Variants in ORC4 observed in about 807,000 individuals in gnomAD.
ORC4 encodes the protein origin recognition complex, subunit 4 homolog.
A neutral mutation model predicts 63.9 loss-of-function variants in ORC4; 55 were observed. The observed-to-expected ratio is 0.86, with a 90% CI of 0.69 to 1.08. The LOEUF is 1.08. Among genes scored for constraint, ORC4 ranks in the 50% least tolerant of loss-of-function variants. The pLI is 0.00. For synonymous variants in ORC4, 150 were observed against 168.5 expected, an observed-to-expected ratio of 0.89 and a Z score of 0.85; for missense variants, 511 against 504.4, an observed-to-expected ratio of 1.01 and a Z score of -0.13.
At chr2:147,948,348 C>A in intron 8 of ORC4, 124 bp from the exon 9 acceptor site, 1 of 617,658 alleles carries the variant, frequency 1.6e-6, no homozygotes. Flanking sequence ...GTCTACAATA[C>A]ATAATTAAAC....
At chr2:147,941,596 G>C (rs759550138) in intron 10 of ORC4, among the ~76,000 whole-genome samples, 16 of 151,844 alleles carry the variant, frequency 1.1e-4, no homozygotes, top group Non-Finnish European at 2.2e-4. Context: ...ACAAATAATG[G>C]GATGAGCTAA....
Position 147,935,610 on chromosome 2 carries a change from A to G in ORC4, c.1211T>C (p.Leu404Pro), listed in dbSNP as rs757008216. 1 of 1,613,476 alleles carries G rather than the reference A, an allele frequency of 6.2e-7. No homozygotes were observed. Among genetic ancestry groups the G allele is most frequent in the South Asian group, 1.1e-5 (1 of 91,070 alleles). Reference sequence around the variant, plus strand: ...CATAATTTGAGTATTATCCAAAAGCAGTTTCATCAGCTGGTACTCTCTCTG... The same window carrying G: ...CATAATTTGAGTATTATCCAAAAGCGGTTTCATCAGCTGGTACTCTCTCTG... ...NSQREYQLMKLLLDNTQIMNA... is the reference protein window; with the variant it reads ...NSQREYQLMKPLLDNTQIMNA... The change falls in exon 14 of 14, where the codon CTG (leucine) becomes CCG (proline). Residue 404 changes from leucine to proline, a missense_variant. Transcript: ENST00000392857.
intron 8 of ORC4, among the ~76,000 whole-genome samples, chr2:147,952,003 ATT>A (rs1688982450): frequency 1.3e-5 from 2 of 152,218 alleles, no homozygotes; most frequent in Non-Finnish European, 2.9e-5. Context: ...CTTAGAGTTG[ATT>A]TCAAGCCTTT....
At chr2:147,984,047 T>C (rs146290015) in intron 1 of ORC4, among the ~76,000 whole-genome samples, 2 of 152,338 alleles carry the variant, frequency 1.3e-5, no homozygotes, top group Non-Finnish European at 2.9e-5. Context: ...GACCCTTCTA[T>C]GATACAGGTA....
At chr2:148,015,563 C>T (rs1693229343) in intron 1 of ORC4, among the ~76,000 whole-genome samples, 1 of 151,988 alleles carries the variant, frequency 6.6e-6, no homozygotes, top group Non-Finnish European at 1.5e-5. Flanking sequence ...ATCCGCCCAC[C>T]TCAGCCTCCC....
chr2:147,958,158 C>A, intron 6 of ORC4, 140 bp downstream of exon 6: 2 of 614,512 alleles, frequency 3.3e-6, no homozygotes, highest in South Asian at 2.2e-5. Flanking sequence ...ATACATTACA[C>A]ATTTTTATGA....
chr2:147,978,570 T>C lies in ORC4; in HGVS notation c.-17-2595A>G, dbSNP rs147499263. On this transcript the variant is annotated intron_variant, in intron 1 of 13. Coordinates refer to ENST00000392857, the MANE Select transcript of ORC4 (RefSeq NM_181741.4). ...ATCTCAGACCATAGCCAAGTTAAAG[T>C]GTCTTATCAGGGTCCGCAGTTGGGA... 1.1e-4 allele frequency among the ~76,000 whole-genome samples: 16 copies of C among 152,302 alleles called. No individual in the cohort carries two copies. In the East Asian group the frequency reaches 3.1e-3, roughly 29 times the overall value.
chr2:147,985,039 T>A (rs72855228), intron 1 of ORC4, among the ~76,000 whole-genome samples: 1 of 152,220 alleles, frequency 6.6e-6, no homozygotes, highest in East Asian at 1.9e-4. Context: ...TGAGGTTTCA[T>A]GAGTACTTAT....
chr2:148,007,650 T>C (rs1265303820), intron 1 of ORC4, among the ~76,000 whole-genome samples: 1 of 152,194 alleles, frequency 6.6e-6, no homozygotes, highest in African/African-American at 2.4e-5. Flanking sequence ...AGGTAGAAAG[T>C]GTTTTCAAAG....
At chr2:147,989,368 G>C (rs1288369248) in intron 1 of ORC4, among the ~76,000 whole-genome samples, 2 of 152,036 alleles carry the variant, frequency 1.3e-5, no homozygotes, top group African/African-American at 4.8e-5. Context: ...ACTGTTCTGA[G>C]CATTTTTTGT....
intron 1 of ORC4, among the ~76,000 whole-genome samples, chr2:147,977,597 G>GT (rs1236736342): frequency 1.3e-5 from 2 of 152,180 alleles, no homozygotes; most frequent in Non-Finnish European, 2.9e-5. Flanking sequence ...CTTCATTCAC[G>GT]TGACAGATTC....
intron 5 of ORC4, 171 bp from the exon 6 acceptor site, chr2:147,958,554 T>C (rs1293816371): frequency 1.6e-6 from 1 of 610,484 alleles, no homozygotes; most frequent in East Asian, 2.8e-5. Flanking sequence ...ACAATCCTCC[T>C]TGGGATTAGA....
At chr2:147,989,637 G>A (rs1019557720) in intron 1 of ORC4, among the ~76,000 whole-genome samples, 1 of 152,202 alleles carries the variant, frequency 6.6e-6, no homozygotes, top group African/African-American at 2.4e-5. Context: ...AACCCAGGAG[G>A]CGGAGGTTGC....
chr2:147,954,713 G>A (rs2105304852), intron 7 of ORC4, among the ~76,000 whole-genome samples: 1 of 152,184 alleles, frequency 6.6e-6, no homozygotes, highest in African/African-American at 2.4e-5. Context: ...CCAGAATTAT[G>A]CAAATTAAAG....
chr2:147,952,704 G>A (rs1689027546), intron 7 of ORC4, among the ~76,000 whole-genome samples, 180 bp from the exon 8 acceptor site: 2 of 152,150 alleles, frequency 1.3e-5, no homozygotes, highest in Admixed American at 6.5e-5. Context: ...ATTATTCAAA[G>A]GACAAACACA....
intron 4 of ORC4, among the ~76,000 whole-genome samples, chr2:147,968,592 C>A (rs1412173131): frequency 4.6e-5 from 7 of 152,008 alleles, no homozygotes. Context: ...GAGGTATCAT[C>A]TCACTCCAGT....
At chr2:148,005,405 G>A (rs1271926560) in intron 1 of ORC4, among the ~76,000 whole-genome samples, 1 of 151,918 alleles carries the variant, frequency 6.6e-6, no homozygotes, top group Non-Finnish European at 1.5e-5. Context: ...CCTGCTGGGG[G>A]ATGGGGGGGC....
At chr2:147,949,495 A>T (rs1223704809) in intron 8 of ORC4, among the ~76,000 whole-genome samples, 3 of 152,120 alleles carry the variant, frequency 2.0e-5, no homozygotes, top group East Asian at 1.9e-4. Context: ...TAAATGCACA[A>T]CTCTATGAAT....
At chr2:148,001,516 A>T (rs571352386) in intron 1 of ORC4, among the ~76,000 whole-genome samples, 1 of 152,204 alleles carries the variant, frequency 6.6e-6, no homozygotes, top group Non-Finnish European at 1.5e-5. Context: ...ACTAAGCTTC[A>T]TAAGTGAAGG....
Sources: gnomAD v4.1 joint callset for allele counts (sites outside exome capture counted in the v4.1 genomes callset) on GRCh38, gnomAD v4.1.1 for gene constraint, MANE v1.5 for transcripts, NCBI Gene and HGNC (gene_info 2026-07-23, HGNC 2026-07-21) for gene names.